The following TMEM63C variants were observed in gnomAD, a reference collection of about 807,000 sequenced individuals.
TMEM63C encodes the protein transmembrane protein 63C, also known as osmosensitive cation channel TMEM63C.
Under a neutral mutation model 99.2 loss-of-function variants are expected in TMEM63C, and 32 were observed. That is an observed-to-expected ratio of 0.32 (90% CI 0.24 to 0.43). The LOEUF is 0.43. Among genes scored for constraint, TMEM63C ranks in the 20% least tolerant of loss-of-function variants. The pLI is 1.00. For missense variants in TMEM63C, 826 were observed against 1,053.0 expected (o/e 0.78, Z 2.98); for synonymous variants, 376 against 397.9 (o/e 0.94, Z 0.66).
chr14:77,246,707 G>A (rs1399115432), intron 18 of TMEM63C, 33 bp downstream of exon 18: 2 of 1,578,584 alleles, frequency 1.3e-6, no homozygotes, highest in Admixed American at 1.7e-5. Context: ...CAGGGCTGCT[G>A]TGTGTGCACA....
rs369846740 is a variant in TMEM63C at position 77,192,984 on chromosome 14, G to A, written c.-77+11090G>A. On this transcript the variant is annotated intron_variant, in intron 1 of 23. Transcript: ENST00000298351. ...CAAATGGGAAAGGCTTTTTAAGCAA[G>A]TCCAAAGGATGCCATAAATAAACTC... Among the ~76,000 whole-genome samples the A allele has an allele frequency of 3.3e-5, 5 of 152,340 alleles. No individual in the cohort carries two copies. In the South Asian group the frequency reaches 1.0e-3, roughly 32 times the overall value.
In TMEM63C at chr14:77,258,418, C is replaced by T. The variant is rs1297923648; in HGVS notation, c.*1692C>T. On this transcript the variant is annotated 3_prime_UTR_variant, in exon 24 of 24. Transcript: ENST00000298351. ...AATTGTGCTCAATGGGCAGAAACTGCTATACCCCCAGGGCATGGCCCACAT... is the reference window on the plus strand; with the variant it reads ...AATTGTGCTCAATGGGCAGAAACTGTTATACCCCCAGGGCATGGCCCACAT... 2 of 152,388 alleles carry T rather than the reference C, an allele frequency of 1.3e-5. No individual in the cohort carries two copies. Among genetic ancestry groups the T allele is most frequent in the African/African-American group, 4.8e-5 (2 of 41,482 alleles). 9.4% of individuals were successfully genotyped at this position (152,388 alleles called of 1,614,324 possible). A position where few individuals can be genotyped will look rare whatever the true frequency, so the allele number is the denominator to read the frequency against.
chr14:77,253,451 G>A (rs371040273), intron 23 of TMEM63C, 75 bp downstream of exon 23: 2 of 1,415,490 alleles, frequency 1.4e-6, no homozygotes, highest in South Asian at 1.2e-5. Flanking sequence ...GCATTGTGGG[G>A]GATGCCAGCT....
intron 14 of TMEM63C, 144 bp downstream of exon 14, chr14:77,242,613 T>C: frequency 8.3e-7 from 1 of 1,203,552 alleles, no homozygotes; most frequent in Non-Finnish European, 1.2e-6. Flanking sequence ...CACCACAACC[T>C]GTGTGTATGC....
At chr14:77,249,118 C>T (rs1401565553) in intron 20 of TMEM63C, among the ~76,000 whole-genome samples, 173 bp from the exon 21 acceptor site, 1 of 152,094 alleles carries the variant, frequency 6.6e-6, no homozygotes, top group Non-Finnish European at 1.5e-5. Flanking sequence ...TCTCGGGGCT[C>T]AAGGGAAGCT....
intron 3 of TMEM63C, 30 bp downstream of exon 3, chr14:77,218,993 A>C (rs766721616): frequency 6.6e-7 from 1 of 1,512,684 alleles, no homozygotes; most frequent in Non-Finnish European, 8.8e-7. Flanking sequence ...GGAGGCAGAC[A>C]GTAAAGCCTC....
At position 77,244,426 on chromosome 14, in the gene TMEM63C, C is replaced by T; in HGVS notation, c.1419C>T (p.Phe473=). The change falls in exon 16 of 24, where the codon TTC becomes TTT. Residue 473 remains phenylalanine (F), a synonymous_variant. Transcript: ENST00000298351. ...FTVILPLIVY[F]SAFLEAHWTR... is the part of the protein sequence containing the mutation. ...TGATACTGCCTCTGATTGTCTACTT[C>T]TCCGCCTTCCTCGAGGCCCACTGGA... The T allele has an allele frequency of 6.2e-7, 1 of 1,613,936 alleles. No homozygotes were observed. The highest frequency in any genetic ancestry group is 8.5e-7 in the Non-Finnish European group (1 of 1,179,876).
At chr14:77,183,828 C>T (rs1293554413) in intron 1 of TMEM63C, among the ~76,000 whole-genome samples, 1 of 152,170 alleles carries the variant, frequency 6.6e-6, no homozygotes, top group Non-Finnish European at 1.5e-5. Flanking sequence ...CAGATGAGAA[C>T]TAGCTGCTTG....
At chr14:77,242,712 G>A (rs957823544) in intron 14 of TMEM63C, among the ~76,000 whole-genome samples, 191 bp from the exon 15 acceptor site, 2 of 151,664 alleles carry the variant, frequency 1.3e-5, no homozygotes, top group African/African-American at 4.8e-5. Context: ...TTTTTTTTTG[G>A]CTCTATGCTC....
chr14:77,187,475 A>G (rs963723829), intron 1 of TMEM63C, among the ~76,000 whole-genome samples: 3 of 152,150 alleles, frequency 2.0e-5, no homozygotes, highest in African/African-American at 7.2e-5. Flanking sequence ...GAGGCAAAGG[A>G]AGGGGACTCG....
intron 1 of TMEM63C, among the ~76,000 whole-genome samples, chr14:77,191,348 C>T (rs74070740): frequency 0.012 from 1,772 of 152,194 alleles, 22 homozygotes; most frequent in African/African-American, 0.04. Context: ...TGTGTGGCCA[C>T]TGTCCTATTC....
chr14:77,182,423 G>A (rs1887929994), intron 1 of TMEM63C, among the ~76,000 whole-genome samples: 1 of 152,218 alleles, frequency 6.6e-6, no homozygotes, highest in African/African-American at 2.4e-5. Context: ...TTCCCCATGT[G>A]CTTCCAAAGA....
intron 1 of TMEM63C, among the ~76,000 whole-genome samples, chr14:77,209,872 C>A (rs1231613109): frequency 6.6e-6 from 1 of 151,998 alleles, no homozygotes; most frequent in Non-Finnish European, 1.5e-5. Context: ...AATACCAGAG[C>A]CTGGAACTTC....
At chr14:77,188,266 A>G (rs994971122) in intron 1 of TMEM63C, among the ~76,000 whole-genome samples, 1 of 152,140 alleles carries the variant, frequency 6.6e-6, no homozygotes, top group African/African-American at 2.4e-5. Flanking sequence ...AAAGGACTTC[A>G]TCCTTTCACT....
intron 8 of TMEM63C, 100 bp downstream of exon 8, chr14:77,233,600 A>T: frequency 7.9e-7 from 1 of 1,266,854 alleles, no homozygotes. Flanking sequence ...CGTTTTGCTG[A>T]TAAGAAAGGC....
At chr14:77,250,780 G>A (rs1889347406) in intron 21 of TMEM63C, among the ~76,000 whole-genome samples, 2 of 152,008 alleles carry the variant, frequency 1.3e-5, no homozygotes, top group African/African-American at 2.4e-5. Flanking sequence ...ACCCCCAATT[G>A]CTTATCCCGC....
At chr14:77,242,655 C>T (rs1889198238) in intron 14 of TMEM63C, among the ~76,000 whole-genome samples, 186 bp downstream of exon 14, 1 of 152,196 alleles carries the variant, frequency 6.6e-6, no homozygotes, top group Admixed American at 6.5e-5. Flanking sequence ...TGGGTGGCAT[C>T]CAACCCTTAG....
chr14:77,184,593 G>C (rs1426772872), intron 1 of TMEM63C, among the ~76,000 whole-genome samples: 1 of 152,212 alleles, frequency 6.6e-6, no homozygotes. Context: ...ACTGGGAAAG[G>C]CTGTAATGAA....
At chr14:77,214,374 C>T (rs1231261301) in intron 2 of TMEM63C, among the ~76,000 whole-genome samples, 1 of 152,058 alleles carries the variant, frequency 6.6e-6, no homozygotes, top group Non-Finnish European at 1.5e-5. Flanking sequence ...GGCACGGAAC[C>T]TGTAATCCCC....
Sources: gnomAD v4.1 joint callset for allele counts (sites outside exome capture counted in the v4.1 genomes callset) on GRCh38, gnomAD v4.1.1 for gene constraint, MANE v1.5 for transcripts, NCBI Gene and HGNC (gene_info 2026-07-23, HGNC 2026-07-21) for gene names.